The following MTUS2 variants were observed in gnomAD, a reference collection of about 807,000 sequenced individuals.
MTUS2 encodes the protein microtubule associated scaffold protein 2.
A neutral mutation model predicts 114.1 loss-of-function variants in MTUS2; 40 were observed. The observed-to-expected ratio is 0.35, with a 90% CI of 0.27 to 0.46. MTUS2 has a LOEUF of 0.46. Among genes scored for constraint, MTUS2 ranks in the 20% least tolerant of loss-of-function variants. The pLI is 1.00. For synonymous variants in MTUS2, 688 were observed against 672.0 expected, an observed-to-expected ratio of 1.02 and a Z score of -0.37; for missense variants, 1,679 against 1,705.4, an observed-to-expected ratio of 0.98 and a Z score of 0.27.
intron 7 of MTUS2, among the ~76,000 whole-genome samples, chr13:29,346,489 G>A (rs1004462846): frequency 1.3e-5 from 2 of 151,742 alleles, no homozygotes; most frequent in Non-Finnish European, 2.9e-5. Context: ...CTGGGGGAAA[G>A]CTGGCAGTGA....
intron 1 of MTUS2, among the ~76,000 whole-genome samples, chr13:28,823,655 A>G (rs1207040829): frequency 1.3e-5 from 2 of 152,162 alleles, no homozygotes; most frequent in East Asian, 1.9e-4. Flanking sequence ...AACACAAACA[A>G]TTTTGTCTGT....
rs1566172787 is a variant in MTUS2 at position 29,389,393 on chromosome 13, G to GTATA, written c.3117+29921_3117+29922insATAT. On this transcript the variant is annotated intron_variant, in intron 8 of 15. Transcript: ENST00000612955. ...TGTGTGTATATATGTATACACGTGT[G>GTATA]TGTATATATGTATACACGTGTGTGT... is the stretch of plus-strand genomic sequence containing the variant. 5.3e-4 allele frequency among the ~76,000 whole-genome samples: 42 copies of GTATA among 79,362 alleles called. 5 individuals are homozygous for GTATA. The highest frequency in any genetic ancestry group is 2.1e-3 in the African/African-American group (41 of 19,098). 52.1% of individuals were successfully genotyped at this position (79,362 alleles called of 152,430 possible). A position where few individuals can be genotyped will look rare whatever the true frequency, so the allele number is the denominator to read the frequency against.
At chr13:29,371,375 GC>G (rs34328244) in intron 8 of MTUS2, among the ~76,000 whole-genome samples, 23,054 of 151,746 alleles carry the variant, frequency 0.15, 2,435 homozygotes, top group African/African-American at 0.31. Context: ...CCGCCACCAT[GC>G]CCAACTAATT....
At chr13:29,009,575 C>G (rs753809227) in intron 2 of MTUS2, among the ~76,000 whole-genome samples, 5 of 152,030 alleles carry the variant, frequency 3.3e-5, no homozygotes, top group Non-Finnish European at 5.9e-5. Flanking sequence ...GGGAGAATAG[C>G]TGATTACAAA....
intron 5 of MTUS2, among the ~76,000 whole-genome samples, chr13:29,262,983 C>CT: frequency 6.6e-6 from 1 of 152,158 alleles, no homozygotes; most frequent in East Asian, 1.9e-4. Context: ...TTTATATGCA[C>CT]TTTCTCATTT....
intron 4 of MTUS2, among the ~76,000 whole-genome samples, chr13:29,048,879 G>A (rs1887757490): frequency 6.6e-6 from 1 of 152,208 alleles, no homozygotes; most frequent in South Asian, 2.1e-4. Context: ...GCCTCCCAAA[G>A]TGCTGGGATT....
chr13:29,306,762 G>A (rs754089272), intron 6 of MTUS2: 15 of 292,810 alleles, frequency 5.1e-5, no homozygotes, highest in Non-Finnish European at 8.4e-5. Context: ...ATTGCCAGCC[G>A]CATCCCTGAG....
At chr13:28,975,965 C>G (rs2138273025) in intron 2 of MTUS2, among the ~76,000 whole-genome samples, 1 of 152,186 alleles carries the variant, frequency 6.6e-6, no homozygotes, top group African/African-American at 2.4e-5. Flanking sequence ...GCACAGGCAG[C>G]AATGAAAGGT....
At chr13:29,190,378 A>AC (rs1361748615) in intron 5 of MTUS2, among the ~76,000 whole-genome samples, 1 of 152,160 alleles carries the variant, frequency 6.6e-6, no homozygotes, top group Admixed American at 6.5e-5. Context: ...GGCAAAGAAA[A>AC]CCTAAGACAC....
At chr13:29,456,163 A>G (rs1261228499) in intron 9 of MTUS2, among the ~76,000 whole-genome samples, 1 of 152,222 alleles carries the variant, frequency 6.6e-6, no homozygotes, top group East Asian at 1.9e-4. Context: ...AATAAAAACT[A>G]TTATAAAAGA....
intron 6 of MTUS2, among the ~76,000 whole-genome samples, chr13:29,305,107 T>C (rs1899384067): frequency 6.6e-6 from 1 of 152,210 alleles, no homozygotes. Context: ...AGAGGCAATG[T>C]ACCAGAATCT....
chr13:29,045,866 A>G (rs913655102), intron 4 of MTUS2, among the ~76,000 whole-genome samples: 2 of 152,166 alleles, frequency 1.3e-5, no homozygotes, highest in African/African-American at 4.8e-5. Context: ...AAATTGAATC[A>G]TGGCAGGAAC....
chr13:29,033,527 T>G (rs1465666064), intron 3 of MTUS2, among the ~76,000 whole-genome samples: 1 of 152,122 alleles, frequency 6.6e-6, no homozygotes. Context: ...TTTCATAATT[T>G]TATGAACATT....
chr13:29,482,703 G>A (rs990790606), intron 10 of MTUS2, among the ~76,000 whole-genome samples: 1 of 152,236 alleles, frequency 6.6e-6, no homozygotes, highest in African/African-American at 2.4e-5. Flanking sequence ...GAGAAATGCA[G>A]ACAGGGTGTG....
rs1399540525 is a variant in MTUS2, at chr13:29,492,684, G to A, written c.3544G>A (p.Glu1182Lys). 3 of 1,613,662 alleles carry A rather than the reference G, an allele frequency of 1.9e-6. No homozygotes were observed. The highest frequency in any genetic ancestry group is 2.5e-6 in the Non-Finnish European group (3 of 1,179,740). ...STHELEKKEL[E>K]ENFEKLRLSL... is the part of the protein sequence containing the mutation. ...TCATGAGCTTGAAAAGAAAGAATTGGAAGAAAATTTTGAAAAACTGCGGCT... is the reference window on the plus strand; with the variant it reads ...TCATGAGCTTGAAAAGAAAGAATTGAAAGAAAATTTTGAAAAACTGCGGCT... The change falls in exon 12 of 16, where the codon GAA becomes AAA. Residue 1182 changes from glutamate to lysine, a missense_variant. Physicochemically the swap from Glu to Lys is moderately conservative, Grantham distance 56. Around this residue, in one of 3 missense-constraint regions of MTUS2, gnomAD observed 822 missense variants for 899.7 expected, o/e 0.91. Coordinates refer to ENST00000612955, the MANE Select transcript of MTUS2 (RefSeq NM_001033602.4).
At chr13:28,937,751 G>A (rs995215915) in intron 2 of MTUS2, among the ~76,000 whole-genome samples, 1 of 152,162 alleles carries the variant, frequency 6.6e-6, no homozygotes, top group African/African-American at 2.4e-5. Flanking sequence ...CCTGAGTGGG[G>A]TGCAGTGACC....
chr13:29,350,208 C>G (rs1327828227), intron 7 of MTUS2, among the ~76,000 whole-genome samples: 1 of 151,896 alleles, frequency 6.6e-6, no homozygotes, highest in Non-Finnish European at 1.5e-5. Context: ...AACTTGAATT[C>G]TCTGCTCAAA....
chr13:29,491,823 T>C (rs1882128661), intron 11 of MTUS2, among the ~76,000 whole-genome samples: 1 of 139,532 alleles, frequency 7.2e-6, no homozygotes, highest in African/African-American at 3.1e-5. Flanking sequence ...GGGGTAGGTG[T>C]GTGTGTGTGG....
chr13:29,501,678 G>C (rs1286715507), intron 15 of MTUS2, among the ~76,000 whole-genome samples: 1 of 152,160 alleles, frequency 6.6e-6, no homozygotes, highest in East Asian at 1.9e-4. Context: ...GCAGGGTTTT[G>C]GCTTCATCAG....
Sources: gnomAD v4.1 joint callset for allele counts (sites outside exome capture counted in the v4.1 genomes callset) on GRCh38, gnomAD v4.1.1 for gene constraint, gnomAD v4.1.1 regional missense constraint, MANE v1.5 for transcripts, NCBI Gene and HGNC (gene_info 2026-07-23, HGNC 2026-07-21) for gene names.